Variants in DPP6 observed in about 807,000 individuals in gnomAD.
DPP6 encodes A-type potassium channel modulatory protein DPP6.
Under a neutral mutation model 122.6 loss-of-function variants are expected in DPP6, and 69 were observed. The observed-to-expected ratio is 0.56, with a 90% CI of 0.46 to 0.69. The LOEUF is 0.69. Among genes scored for constraint, DPP6 ranks in the 30% least tolerant of loss-of-function variants. The pLI, the probability that DPP6 is intolerant of heterozygous loss-of-function variation, is 0.00. For missense variants in DPP6, 928 were observed against 1,116.9 expected (o/e 0.83, Z 2.41); for synonymous variants, 418 against 433.1 (o/e 0.97, Z 0.43).
intron 1 of DPP6, among the ~76,000 whole-genome samples, chr7:154,401,198 G>GA (rs201846972): frequency 0.025 from 3,391 of 137,652 alleles, 116 homozygotes; most frequent in African/African-American, 0.087. Context: ...CTCCATCTCA[G>GA]AAAAAACAAA....
At chr7:154,550,391 T>C (rs1276994663) in intron 4 of DPP6, among the ~76,000 whole-genome samples, 1 of 152,228 alleles carries the variant, frequency 6.6e-6, no homozygotes, top group East Asian at 1.9e-4. Context: ...TGGTTTTGGC[T>C]GGGCTTGTAG....
At chr7:154,234,916 G>A (rs572397621) in intron 1 of DPP6, among the ~76,000 whole-genome samples, 46 of 152,256 alleles carry the variant, frequency 3.0e-4, no homozygotes, top group African/African-American at 1.1e-3. Flanking sequence ...GGATCCCCGT[G>A]CCTCCCTTCA....
intron 5 of DPP6, among the ~76,000 whole-genome samples, chr7:154,621,057 C>G (rs531924387): frequency 6.6e-5 from 10 of 152,272 alleles, no homozygotes; most frequent in African/African-American, 2.4e-4. Context: ...AGCTGAAACC[C>G]TACCTCAATA....
chr7:154,800,156 T>G (rs559019170), intron 12 of DPP6, among the ~76,000 whole-genome samples: 15 of 152,360 alleles, frequency 9.8e-5, no homozygotes, highest in Admixed American at 2.0e-4. Flanking sequence ...TTCCATTTCC[T>G]CTGCTTTTAA....
At chr7:154,580,258 A>AAC (rs757091692) in intron 5 of DPP6, among the ~76,000 whole-genome samples, 2 of 149,280 alleles carry the variant, frequency 1.3e-5, no homozygotes, top group African/African-American at 4.9e-5. Flanking sequence ...CACACACATT[A>AAC]ACACACACAC....
At chr7:154,063,284 G>A (rs1364763799) in intron 1 of DPP6, among the ~76,000 whole-genome samples, 2 of 130,382 alleles carry the variant, frequency 1.5e-5, no homozygotes, top group African/African-American at 5.7e-5. Flanking sequence ...CGCAGAGGGG[G>A]GAGGGACCCC....
At chr7:154,648,094 T>TAA (rs67145418) in intron 6 of DPP6, among the ~76,000 whole-genome samples, 42 of 146,610 alleles carry the variant, frequency 2.9e-4, no homozygotes, top group Admixed American at 4.7e-4. Context: ...CTATTAAAAT[T>TAA]AAAAAAAAAA....
chr7:153,963,923 G>T (rs1421814701), intron 1 of DPP6, among the ~76,000 whole-genome samples: 1 of 152,192 alleles, frequency 6.6e-6, no homozygotes, highest in Admixed American at 6.5e-5. Context: ...TGCAGCAGAG[G>T]TGACTGATGA....
At chr7:154,829,216 CTACAAAAAA>C (rs1296141224) in intron 16 of DPP6, among the ~76,000 whole-genome samples, 1 of 80,654 alleles carries the variant, frequency 1.2e-5, no homozygotes, top group Non-Finnish European at 3.7e-5. Flanking sequence ...AACCATGTCT[CTACAAAAAA>C]TACAAAAATT....
chr7:154,452,433 C>T (rs1454202962), intron 2 of DPP6, among the ~76,000 whole-genome samples: 1 of 152,162 alleles, frequency 6.6e-6, no homozygotes, highest in Non-Finnish European at 1.5e-5. Flanking sequence ...AAGTCGTAAC[C>T]GTCACACTTC....
chr7:153,791,419 C>CTTTTTTTT, the DPP6 span, among the ~76,000 whole-genome samples: 1 of 30,692 alleles, frequency 3.3e-5, no homozygotes, highest in African/African-American at 9.9e-5. Context: ...TTCCTTCCTT[C>CTTTTTTTT]CTTTCTTTTT....
intron 1 of DPP6, among the ~76,000 whole-genome samples, chr7:153,985,950 C>T (rs1250449003): frequency 6.6e-6 from 1 of 152,140 alleles, no homozygotes; most frequent in Non-Finnish European, 1.5e-5. Context: ...CCTCTGTAGC[C>T]CTCTCTGACT....
chr7:154,837,736 C>T (rs1489939789), intron 16 of DPP6, among the ~76,000 whole-genome samples: 1 of 152,188 alleles, frequency 6.6e-6, no homozygotes, highest in Non-Finnish European at 1.5e-5. Flanking sequence ...CTGACAAAAT[C>T]TCTGTATTTC....
chr7:154,475,055 G>A lies in DPP6; in HGVS notation c.457+18G>A, dbSNP rs374615003. ...GATAAGTGGTGAGTCCAGGTCCTTC[G>A]TGCACAAGACATCGCTTCCCCATGC... On this transcript the variant is annotated intron_variant, in intron 3 of 25. Coordinates refer to ENST00000377770, the MANE Select transcript of DPP6 (RefSeq NM_130797.4). The A allele has an allele frequency of 2.4e-4, 374 of 1,590,492 alleles. No homozygotes were observed. The African/African-American group carries it at 4.5e-3, about 19-fold the overall frequency.
At chr7:154,751,136 T>G (rs1843360142) in intron 8 of DPP6, among the ~76,000 whole-genome samples, 1 of 152,164 alleles carries the variant, frequency 6.6e-6, no homozygotes, top group Non-Finnish European at 1.5e-5. Context: ...ACCTGTTTAC[T>G]AGGGGGCTGG....
intron 10 of DPP6, among the ~76,000 whole-genome samples, chr7:154,784,951 G>A (rs1413220636): frequency 2.0e-5 from 3 of 152,016 alleles, no homozygotes; most frequent in Non-Finnish European, 4.4e-5. Flanking sequence ...TTCTTGAGGA[G>A]CTTGAAAAAA....
rs368680254 is a variant in DPP6, at chr7:154,483,402, A to T, written c.457+8365A>T. 3.5e-3 allele frequency among the ~76,000 whole-genome samples: 402 copies of T among 115,242 alleles called. No homozygotes were observed. Among genetic ancestry groups the T allele is most frequent in the East Asian group, 0.033 (125 of 3,764 alleles). The allele number at this position is 115,242 out of a possible 152,430, so 75.6% of individuals were successfully genotyped here. ...GGCACAATACAATTTTTTTTTTTTT[A>T]AAAGCATTTATTTGAGCAAACAGTG... On this transcript the variant is annotated intron_variant, in intron 3 of 25. Coordinates refer to ENST00000377770, the MANE Select transcript of DPP6 (RefSeq NM_130797.4). This position sits in a 1 kb window ranked among gnomAD's most constrained non-coding sequence, Gnocchi z 8.1.
At chr7:154,244,338 G>A (rs1290088352) in intron 1 of DPP6, among the ~76,000 whole-genome samples, 1 of 152,006 alleles carries the variant, frequency 6.6e-6, no homozygotes, top group Non-Finnish European at 1.5e-5. Context: ...TTTCAGATAA[G>A]TGAAAAACAA....
chr7:154,143,889 A>T (rs1439197655), intron 1 of DPP6, among the ~76,000 whole-genome samples: 1 of 152,164 alleles, frequency 6.6e-6, no homozygotes, highest in Non-Finnish European at 1.5e-5. Flanking sequence ...ATCTTTGTAC[A>T]TTCATTAAAT....
Sources: allele counts gnomAD v4.1 joint callset (sites outside exome capture counted in the v4.1 genomes callset), GRCh38; gene constraint gnomAD v4.1.1; non-coding constraint Gnocchi (gnomAD v3.1); transcripts MANE v1.5; gene names NCBI Gene and HGNC (gene_info 2026-07-23, HGNC 2026-07-21).